The following CCDC68 variants were observed in gnomAD, a reference collection of about 807,000 sequenced individuals.
CCDC68 encodes the protein coiled-coil domain containing 68, also known as coiled-coil domain-containing protein 68.
CCDC68 carries 45 observed loss-of-function variants against 47.1 expected under a neutral mutation model. That is an observed-to-expected ratio of 0.96 (90% confidence interval 0.75 to 1.23). The LOEUF is 1.23. CCDC68 is among the 50% of genes most tolerant of loss of function. CCDC68 has a pLI of 0.00. For missense variants in CCDC68, 353 were observed against 373.6 expected (o/e 0.94, Z 0.45); for synonymous variants, 131 against 129.5 (o/e 1.01, Z -0.08).
At chr18:54,918,902 A>C (rs143563913) in intron 9 of CCDC68, among the ~76,000 whole-genome samples, 1 of 152,282 alleles carries the variant, frequency 6.6e-6, no homozygotes, top group African/African-American at 2.4e-5. Flanking sequence ...ATCATGTCCT[A>C]AATAAATTAT....
At chr18:54,955,576 ATAGT>A (rs893774036) in intron 1 of CCDC68, among the ~76,000 whole-genome samples, 3 of 152,204 alleles carry the variant, frequency 2.0e-5, no homozygotes, top group Admixed American at 6.5e-5. Flanking sequence ...ATTTGCCATA[ATAGT>A]TAGCACAAAG....
At chr18:54,924,992 A>C (rs1231956784) in intron 8 of CCDC68, among the ~76,000 whole-genome samples, 1 of 152,202 alleles carries the variant, frequency 6.6e-6, no homozygotes, top group African/African-American at 2.4e-5. Flanking sequence ...GGGTAAGCTG[A>C]AAACATTATT....
chr18:54,919,187 C>CA, intron 9 of CCDC68, 84 bp downstream of exon 9: 1 of 1,030,688 alleles, frequency 9.7e-7, no homozygotes, highest in Non-Finnish European at 1.5e-6. Context: ...CTCATTGCTT[C>CA]AAAAGTCCAG....
At chr18:54,913,001 A>G (rs553035828) in intron 10 of CCDC68, among the ~76,000 whole-genome samples, 1 of 152,196 alleles carries the variant, frequency 6.6e-6, no homozygotes, top group African/African-American at 2.4e-5. Flanking sequence ...CTACAATTCA[A>G]GATGAGGTTT....
intron 8 of CCDC68, among the ~76,000 whole-genome samples, chr18:54,925,704 A>G (rs1385245926): frequency 6.6e-6 from 1 of 152,188 alleles, no homozygotes; most frequent in East Asian, 1.9e-4. Flanking sequence ...TCTTACTACC[A>G]TCTGTGGGGA....
At chr18:54,910,575 A>G (rs1394842894) in intron 10 of CCDC68, among the ~76,000 whole-genome samples, 1 of 152,204 alleles carries the variant, frequency 6.6e-6, no homozygotes, top group Non-Finnish European at 1.5e-5. Context: ...CCTGAAGGTG[A>G]GGACTCACTG....
At chr18:54,940,164 A>G (rs2145574693) in intron 4 of CCDC68, among the ~76,000 whole-genome samples, 1 of 152,070 alleles carries the variant, frequency 6.6e-6, no homozygotes, top group South Asian at 2.1e-4. Context: ...TTTAAATACA[A>G]TCCTCAAATG....
At chr18:54,921,974 T>C (rs2044068547) in intron 8 of CCDC68, among the ~76,000 whole-genome samples, 1 of 151,980 alleles carries the variant, frequency 6.6e-6, no homozygotes, top group Non-Finnish European at 1.5e-5. Flanking sequence ...AAACAAGCAG[T>C]CCCCTTGTTT....
chr18:54,936,715 G>A (rs898212270), intron 6 of CCDC68, 118 bp downstream of exon 6: 7 of 1,268,212 alleles, frequency 5.5e-6, no homozygotes, highest in African/African-American at 3.0e-5. Flanking sequence ...TCTTTCCCAA[G>A]TCTTTTGCCA....
chr18:54,908,728 C>G (rs938674969), intron 10 of CCDC68, among the ~76,000 whole-genome samples: 3 of 152,102 alleles, frequency 2.0e-5, no homozygotes, highest in Non-Finnish European at 4.4e-5. Flanking sequence ...AGTCGAAGTG[C>G]CTTTTTTTTT....
Position 54,942,774 on chromosome 18 carries a change from C to T in CCDC68, c.18G>A (p.Val6=), listed in dbSNP as rs766817429. 1.1e-5 allele frequency: 18 copies of T among 1,607,548 alleles called. No homozygotes were observed. The highest frequency in any genetic ancestry group is 8.4e-5 in the Admixed American group (5 of 59,700). The change falls in exon 3 of 12, where the codon GTG becomes GTA. Residue 6 remains valine, a synonymous_variant. Transcript: ENST00000591504. MTTVT[V]TTEIPPRDKM... ...TATCCCTTGGGGGAATTTCTGTGGTCACTGTCACTGTTGTCATTGTGAATT... is the reference window on the plus strand; with the variant it reads ...TATCCCTTGGGGGAATTTCTGTGGTTACTGTCACTGTTGTCATTGTGAATT...
chr18:54,950,811 T>C (rs1303513236), intron 1 of CCDC68, among the ~76,000 whole-genome samples: 2 of 142,478 alleles, frequency 1.4e-5, no homozygotes, highest in East Asian at 4.2e-4. Flanking sequence ...TATGATGCAA[T>C]AAGGCACAAA....
At chr18:54,906,856 A>G (rs1172697834) in intron 11 of CCDC68, among the ~76,000 whole-genome samples, 1 of 152,218 alleles carries the variant, frequency 6.6e-6, no homozygotes, top group African/African-American at 2.4e-5. Flanking sequence ...TTGAATCATA[A>G]TAGTTTCATC....
intron 1 of CCDC68, among the ~76,000 whole-genome samples, chr18:54,955,833 T>C (rs975468079): frequency 6.6e-6 from 1 of 152,064 alleles, no homozygotes; most frequent in African/African-American, 2.4e-5. Context: ...TTCTCCTACC[T>C]CAGCCTCCCC....
chr18:54,936,679 T>C (rs1472271694), intron 6 of CCDC68, among the ~76,000 whole-genome samples, 154 bp downstream of exon 6: 1 of 152,052 alleles, frequency 6.6e-6, no homozygotes, highest in Non-Finnish European at 1.5e-5. Flanking sequence ...GTGAGAGAAA[T>C]TGGCAAAAGA....
At chr18:54,946,384 T>C (rs2044527798) in intron 1 of CCDC68, among the ~76,000 whole-genome samples, 1 of 152,200 alleles carries the variant, frequency 6.6e-6, no homozygotes, top group South Asian at 2.1e-4. Context: ...GCAGGACCAG[T>C]GGGAAAATAG....
Position 54,902,204 on chromosome 18 carries a change from C to T in CCDC68, c.*2154G>A, listed in dbSNP as rs1913726461. ...GTTATCATTTTTGCATAGGTGGTTT[C>T]ACCACTGTATTTCCATGTTCAAAAA... On this transcript the variant is annotated 3_prime_UTR_variant, in exon 12 of 12. Transcript: ENST00000591504. The T allele has an allele frequency of 6.6e-6, 1 of 152,174 alleles. No individual in the cohort carries two copies. The highest frequency in any genetic ancestry group is 2.1e-4 in the South Asian group (1 of 4,824). 9.4% of individuals were successfully genotyped at this position (152,174 alleles called of 1,614,324 possible).
Position 54,907,847 on chromosome 18 carries a change from T to G in CCDC68, c.889A>C (p.Thr297Pro). 1 of 1,599,034 alleles carries G rather than the reference T, an allele frequency of 6.3e-7. No homozygotes were observed. Among genetic ancestry groups the G allele is most frequent in the Non-Finnish European group, 8.6e-7 (1 of 1,166,400 alleles). Residue 297 changes from threonine (T) to proline (P), a missense_variant, in exon 11 of 12, where the codon ACC becomes CCC. Coordinates refer to ENST00000591504, the MANE Select transcript of CCDC68 (RefSeq NM_025214.3). ...ILEAQNKELKTQVALSSETPR... is the reference protein window; with the variant it reads ...ILEAQNKELKPQVALSSETPR... ...GTTTCAGATGAAAGTGCTACCTGGGTTTTTAGTTCTTTATTCTAAAATTGA... is the reference window on the plus strand; with the variant it reads ...GTTTCAGATGAAAGTGCTACCTGGGGTTTTAGTTCTTTATTCTAAAATTGA...
intron 10 of CCDC68, among the ~76,000 whole-genome samples, chr18:54,910,792 C>A (rs1346839922): frequency 6.6e-6 from 1 of 152,244 alleles, no homozygotes; most frequent in Non-Finnish European, 1.5e-5. Context: ...CCCGAGCATG[C>A]ACACACCCAG....
Sources: allele counts gnomAD v4.1 joint callset (sites outside exome capture counted in the v4.1 genomes callset), GRCh38; gene constraint gnomAD v4.1.1; transcripts MANE v1.5; gene names NCBI Gene and HGNC (gene_info 2026-07-23, HGNC 2026-07-21).